MBOAT2: variants seen among roughly 807,000 people sequenced by gnomAD.
The protein encoded by MBOAT2 is membrane bound glycerophospholipid O-acyltransferase 2, also known as membrane-bound glycerophospholipid O-acyltransferase 2.
MBOAT2 carries 28 observed loss-of-function variants against 63.4 expected under a neutral mutation model. The observed-to-expected ratio is 0.44, with a 90% CI of 0.33 to 0.61. The LOEUF is 0.61. Among genes scored for constraint, MBOAT2 ranks in the 20% least tolerant of loss-of-function variants. The probability of loss-of-function intolerance (pLI) is 0.03; values close to 1 mark genes in which losing one functional copy is unlikely to be tolerated. For synonymous variants in MBOAT2, 211 were observed against 215.6 expected (o/e 0.98, Z 0.19); for missense variants, 470 against 605.8 (o/e 0.78, Z 2.35).
At chr2:8,974,572 G>A (rs534294334) in intron 1 of MBOAT2, 13 of 353,440 alleles carry the variant, frequency 3.7e-5, no homozygotes, top group South Asian at 2.4e-4. Context: ...CGTCTCCAGC[G>A]GAATATCTCT....
intron 1 of MBOAT2, among the ~76,000 whole-genome samples, chr2:8,977,242 G>A (rs1670882796): frequency 1.3e-5 from 2 of 151,984 alleles, no homozygotes; most frequent in Non-Finnish European, 2.9e-5. Flanking sequence ...ATAAAAATAA[G>A]TTCACATTGA....
At chr2:8,977,971 GCTT>G (rs1376418850) in intron 1 of MBOAT2, among the ~76,000 whole-genome samples, 1 of 152,012 alleles carries the variant, frequency 6.6e-6, no homozygotes, top group Non-Finnish European at 1.5e-5. Flanking sequence ...GGCTGCGATG[GCTT>G]CTTATCTGGA....
intron 1 of MBOAT2, among the ~76,000 whole-genome samples, chr2:8,992,411 A>G (rs1020910747): frequency 6.6e-5 from 10 of 152,248 alleles, no homozygotes; most frequent in African/African-American, 2.4e-4. Flanking sequence ...TGCTAGGATT[A>G]CGGGCATGAG....
chr2:8,872,984 C>T (rs1662439583), intron 8 of MBOAT2, 124 bp downstream of exon 8: 1 of 774,816 alleles, frequency 1.3e-6, no homozygotes, highest in Non-Finnish European at 2.0e-6. Flanking sequence ...TTTTTCTACA[C>T]AGATGACTTA....
chr2:8,968,358 C>T (rs1260816768), intron 1 of MBOAT2, among the ~76,000 whole-genome samples: 3 of 152,078 alleles, frequency 2.0e-5, no homozygotes, highest in Non-Finnish European at 4.4e-5. Context: ...GAAAGGACAT[C>T]CACACCAAAA....
Position 8,922,361 on chromosome 2 carries a change from C to T in MBOAT2, c.300-13645G>A, listed in dbSNP as rs569971407. ...TCCGTTTAGAGGCAGTTTCAATTGA[C>T]TGCTGTTTTCCTCGTTTCTCTTAAT... On this transcript the variant is annotated intron_variant, in intron 3 of 12. Coordinates refer to ENST00000305997, the MANE Select transcript of MBOAT2 (RefSeq NM_138799.4). 2.6e-5 allele frequency among the ~76,000 whole-genome samples: 4 copies of T among 152,294 alleles called. No homozygotes were observed. In the South Asian group the frequency reaches 8.3e-4, roughly 32 times the overall value.
intron 2 of MBOAT2, among the ~76,000 whole-genome samples, chr2:8,950,992 T>A (rs1265661541): frequency 6.6e-6 from 1 of 152,218 alleles, no homozygotes; most frequent in Non-Finnish European, 1.5e-5. Context: ...GCCTACTTCA[T>A]CATGGTGAAT....
At chr2:8,944,648 G>GACACAC (rs61107364) in intron 2 of MBOAT2, among the ~76,000 whole-genome samples, 2,333 of 140,186 alleles carry the variant, frequency 0.017, 47 homozygotes, top group African/African-American at 0.051. Context: ...CTGTTTGACT[G>GACACAC]ACACACACAC....
In MBOAT2 at chr2:8,857,383, C is replaced by T. The variant is rs560289964; in HGVS notation, c.*1296G>A. On this transcript the variant is annotated 3_prime_UTR_variant, in exon 13 of 13. Coordinates refer to ENST00000305997, the MANE Select transcript of MBOAT2 (RefSeq NM_138799.4). ...GCCACCACAGTCCTCTGTGGGATCG[C>T]AGGAGATGCTTAGTAATCCAAGGCA... is the stretch of plus-strand genomic sequence containing the variant. The T allele has an allele frequency of 6.6e-6, 1 of 152,562 alleles. No homozygotes were observed. The highest frequency in any genetic ancestry group is 1.9e-4 in the East Asian group (1 of 5,180). The allele number at this position is 152,562 out of a possible 1,614,324, so 9.5% of individuals were successfully genotyped here. A position where few individuals can be genotyped will look rare whatever the true frequency, so the allele number is the denominator to read the frequency against.
chr2:8,869,127 G>A (rs1662120106), intron 8 of MBOAT2, among the ~76,000 whole-genome samples: 1 of 151,956 alleles, frequency 6.6e-6, no homozygotes, highest in South Asian at 2.1e-4. Context: ...GCTCACTGCA[G>A]CCTTGAACTC....
In MBOAT2 at chr2:8,912,419, G is replaced by GAAA. The variant is rs1553362519; in HGVS notation, c.300-3704_300-3703insTTT. On this transcript the variant is annotated intron_variant, in intron 3 of 12. Coordinates refer to ENST00000305997, the MANE Select transcript of MBOAT2 (RefSeq NM_138799.4). The stretch of plus-strand genomic sequence containing the variant: ...AGAAAGAAAGAAAGAAAGAAAGACA[G>GAAA]GCCGGCCGGCCTTGAAAACCCTAAG... Among the ~76,000 whole-genome samples, 62 of 147,944 alleles carry GAAA rather than the reference G, an allele frequency of 4.2e-4. 1 individual carries two copies. Among genetic ancestry groups the GAAA allele is most frequent in the South Asian group, 6.3e-4 (3 of 4,772 alleles).
chr2:8,923,258 T>A (rs1666709552), intron 3 of MBOAT2, among the ~76,000 whole-genome samples: 1 of 152,214 alleles, frequency 6.6e-6, no homozygotes. Context: ...TTCAGAGTCA[T>A]GTAACCAGGG....
In MBOAT2 at chr2:8,869,675, G is replaced by A. The variant is rs1662171160; in HGVS notation, c.884-1126C>T. Among the ~76,000 whole-genome samples, 3 of 152,152 alleles carry A rather than the reference G, an allele frequency of 2.0e-5. No individual in the cohort carries two copies. The South Asian group carries it at 6.2e-4, about 32-fold the overall frequency. ...TTACTCCTCTGTCAGGTTTAATGAG[G>A]TCAGCCGCCTTTGTTCAATTCACAT... is the stretch of plus-strand genomic sequence containing the variant. On this transcript the variant is annotated intron_variant, in intron 8 of 12. Transcript: ENST00000305997.
chr2:8,914,384 T>C (rs538859592), intron 3 of MBOAT2, among the ~76,000 whole-genome samples: 2 of 152,286 alleles, frequency 1.3e-5, no homozygotes, highest in African/African-American at 2.4e-5. Context: ...GCCAATAATG[T>C]GAACAACTAC....
chr2:8,897,803 A>G (rs1330284970), intron 4 of MBOAT2, among the ~76,000 whole-genome samples: 1 of 152,188 alleles, frequency 6.6e-6, no homozygotes, highest in Non-Finnish European at 1.5e-5. Context: ...TTGGTTCCCC[A>G]TCCTCTGGGA....
intron 11 of MBOAT2, among the ~76,000 whole-genome samples, chr2:8,861,537 G>GT (rs984379799): frequency 2.0e-5 from 3 of 152,190 alleles, no homozygotes; most frequent in African/African-American, 7.2e-5. Flanking sequence ...CTGCCATGGT[G>GT]GTGAGCTAGG....
At chr2:8,878,065 T>A (rs1004716767) in intron 6 of MBOAT2, among the ~76,000 whole-genome samples, 1 of 152,170 alleles carries the variant, frequency 6.6e-6, no homozygotes, top group African/African-American at 2.4e-5. Flanking sequence ...GCTCCTGCGG[T>A]CTCCAGGCAG....
At chr2:8,923,603 C>G (rs952762875) in intron 3 of MBOAT2, among the ~76,000 whole-genome samples, 1 of 152,084 alleles carries the variant, frequency 6.6e-6, no homozygotes, top group African/African-American at 2.4e-5. Flanking sequence ...TGCTACAATA[C>G]CTGCTGTTCT....
intron 3 of MBOAT2, among the ~76,000 whole-genome samples, chr2:8,910,947 G>A (rs1039287747): frequency 4.1e-4 from 62 of 152,210 alleles, no homozygotes; most frequent in Non-Finnish European, 1.8e-4. Context: ...TCAGGGTGTG[G>A]AGTCAAGAGC....
Sources: allele counts gnomAD v4.1 joint callset (sites outside exome capture counted in the v4.1 genomes callset), GRCh38; gene constraint gnomAD v4.1.1; transcripts MANE v1.5; gene names NCBI Gene and HGNC (gene_info 2026-07-23, HGNC 2026-07-21).